The following PMEPA1 variants were observed in gnomAD, a reference collection of about 807,000 sequenced individuals.
The protein encoded by PMEPA1 is protein TMEPAI.
PMEPA1 carries 11 observed loss-of-function variants against 23.0 expected under a neutral mutation model. The ratio of observed to expected loss-of-function variants is 0.48; its 90% confidence interval spans 0.30 to 0.79. PMEPA1 has a LOEUF of 0.79. Among genes scored for constraint, PMEPA1 ranks in the 30% least tolerant of loss-of-function variants. The pLI is 0.06. For missense variants in PMEPA1, 377 were observed against 390.9 expected (o/e 0.96, Z 0.30); for synonymous variants, 204 against 166.4 (o/e 1.23, Z -1.74).
At chr20:57,669,558 C>T (rs1370638172) in intron 1 of PMEPA1, among the ~76,000 whole-genome samples, 3 of 152,236 alleles carry the variant, frequency 2.0e-5, no homozygotes, top group Non-Finnish European at 4.4e-5. Context: ...ACTGAAATGT[C>T]CCTGGCAGGG....
intron 1 of PMEPA1, among the ~76,000 whole-genome samples, chr20:57,665,395 GCC>G (rs1025155700): frequency 1.2e-4 from 18 of 151,920 alleles, no homozygotes; most frequent in African/African-American, 4.1e-4. Context: ...CCCGCCCCCT[GCC>G]CCGGGAATCT....
Position 57,648,895 on chromosome 20 carries a change from C to T in PMEPA1, c.*3158G>A, listed in dbSNP as rs960116395. The T allele has an allele frequency of 2.6e-5, 4 of 152,134 alleles. No individual in the cohort carries two copies. The highest frequency in any genetic ancestry group is 4.8e-5 in the African/African-American group (2 of 41,414). 9.4% of individuals were successfully genotyped at this position (152,134 alleles called of 1,614,324 possible). On this transcript the variant is annotated 3_prime_UTR_variant, in exon 4 of 4. Transcript: ENST00000341744. The stretch of plus-strand genomic sequence containing the variant: ...GACCAATGAGGACAGGGAATGAACC[C>T]GGCTCTCCCCCAGCCCTGATTTTTG...
chr20:57,674,264 C>T (rs6025716), intron 1 of PMEPA1, among the ~76,000 whole-genome samples: 89 of 152,290 alleles, frequency 5.8e-4, no homozygotes, highest in African/African-American at 2.1e-3. Context: ...CTCATTCTCT[C>T]CCCCCTCCTT....
rs1038649158 is a variant in PMEPA1, at chr20:57,704,552, C to A, written c.109+4922G>T. On this transcript the variant is annotated intron_variant, in intron 1 of 3. Transcript: ENST00000341744. The surrounding 1 kb of genome is among the most constrained non-coding windows in gnomAD (Gnocchi z 4.6). ...CAGCAGCACAGCCTCCGAAATTCAC[C>A]GTGTAAGAGTTCCTTCTCTTTGGGC... 6.6e-6 allele frequency among the ~76,000 whole-genome samples: 1 copy of A among 152,232 alleles called. No individual in the cohort carries two copies. Among genetic ancestry groups the A allele is most frequent in the Admixed American group, 6.5e-5 (1 of 15,284 alleles).
chr20:57,702,660 T>G (rs2072028301), intron 1 of PMEPA1, among the ~76,000 whole-genome samples: 1 of 152,084 alleles, frequency 6.6e-6, no homozygotes, highest in African/African-American at 2.4e-5. Context: ...TCAGGGAGCT[T>G]GCGTTTGAAT....
upstream of PMEPA1, chr20:57,710,525 A>G (rs76468054): frequency 1.3e-6 from 2 of 1,566,770 alleles, no homozygotes; most frequent in Non-Finnish European, 8.7e-7. Flanking sequence ...ATCATGGCCC[A>G]CTGAACCCCC....
intron 1 of PMEPA1, among the ~76,000 whole-genome samples, chr20:57,689,207 C>T (rs368874934): frequency 3.9e-5 from 6 of 152,176 alleles, no homozygotes; most frequent in South Asian, 2.1e-4. Context: ...GAGAACTGGC[C>T]GCCTCCTTTG....
At chr20:57,707,387 G>C (rs183721396) in intron 1 of PMEPA1, among the ~76,000 whole-genome samples, 15 of 152,208 alleles carry the variant, frequency 9.9e-5, no homozygotes, top group African/African-American at 3.6e-4. Flanking sequence ...GGTTCCCTCC[G>C]TGCCTTGCAG....
chr20:57,689,427 G>C (rs866581537), intron 1 of PMEPA1, among the ~76,000 whole-genome samples: 1 of 152,192 alleles, frequency 6.6e-6, no homozygotes, highest in African/African-American at 2.4e-5. Flanking sequence ...GGAGTGGGGC[G>C]AGGTGAGGGG....
In PMEPA1 at chr20:57,708,729, G is replaced by C. The variant is rs146492532; in HGVS notation, c.109+745C>G. On this transcript the variant is annotated intron_variant, in intron 1 of 3. Transcript: ENST00000341744. ...TTCAAGATCCACGCTGGGCCAGACG[G>C]GCCAGAGCTGAGCCCTGGATTCAGA... 6.2e-3 allele frequency among the ~76,000 whole-genome samples: 947 copies of C among 152,158 alleles called. 12 individuals carry two copies. Among genetic ancestry groups the C allele is most frequent in the Non-Finnish European group, 6.6e-3 (451 of 68,008 alleles).
chr20:57,689,784 G>A (rs920485077), intron 1 of PMEPA1, among the ~76,000 whole-genome samples: 16 of 152,124 alleles, frequency 1.1e-4, no homozygotes, highest in Admixed American at 1.0e-3. Context: ...TGGGTCTCAG[G>A]GACCTGTCGT....
At chr20:57,669,650 C>A (rs555479129) in intron 1 of PMEPA1, among the ~76,000 whole-genome samples, 13 of 152,286 alleles carry the variant, frequency 8.5e-5, no homozygotes, top group Admixed American at 6.5e-4. Flanking sequence ...AAAAGAACAA[C>A]AAATATGTTT....
chr20:57,666,725 G>A (rs191310256), intron 1 of PMEPA1, among the ~76,000 whole-genome samples: 220 of 152,296 alleles, frequency 1.4e-3, no homozygotes, highest in Admixed American at 2.4e-3. Context: ...AGCAAAATCC[G>A]GACGGTGAGG....
chr20:57,665,900 G>T (rs149050359), intron 1 of PMEPA1, among the ~76,000 whole-genome samples: 4 of 152,216 alleles, frequency 2.6e-5, no homozygotes, highest in African/African-American at 9.7e-5. Flanking sequence ...AGGCCCTTGC[G>T]GGGAGGCACC....
chr20:57,698,029 T>C (rs998470654), intron 1 of PMEPA1, among the ~76,000 whole-genome samples: 4 of 152,198 alleles, frequency 2.6e-5, no homozygotes, highest in Non-Finnish European at 5.9e-5. Flanking sequence ...GTCCAGCTGA[T>C]ACATTTTTTA....
chr20:57,681,279 C>A (rs1317554982), intron 1 of PMEPA1, among the ~76,000 whole-genome samples: 1 of 152,192 alleles, frequency 6.6e-6, no homozygotes, highest in Non-Finnish European at 1.5e-5. Flanking sequence ...TCCATCACTG[C>A]CACTGGGAAC....
intron 1 of PMEPA1, among the ~76,000 whole-genome samples, chr20:57,691,144 T>TC (rs2071877110): frequency 6.6e-6 from 1 of 152,324 alleles, no homozygotes; most frequent in South Asian, 2.1e-4. Context: ...GTTGTGTGTG[T>TC]CCAAAACACT....
chr20:57,706,321 C>G (rs6015061), intron 1 of PMEPA1, among the ~76,000 whole-genome samples: 1,975 of 152,268 alleles, frequency 0.013, 44 homozygotes, highest in African/African-American at 0.045. Context: ...CGCAGCAGAA[C>G]TGAAATGAGG....
At chr20:57,680,131 G>A (rs1371729885) in intron 1 of PMEPA1, among the ~76,000 whole-genome samples, 6 of 152,208 alleles carry the variant, frequency 3.9e-5, no homozygotes, top group Admixed American at 3.3e-4. Context: ...TGGTAAAAAC[G>A]ACTTCTGCCC....
Sources: allele counts gnomAD v4.1 joint callset (sites outside exome capture counted in the v4.1 genomes callset), GRCh38; gene constraint gnomAD v4.1.1; non-coding constraint Gnocchi (gnomAD v3.1); transcripts MANE v1.5; gene names NCBI Gene and HGNC (gene_info 2026-07-23, HGNC 2026-07-21).